PRMT8: variants seen among roughly 807,000 people sequenced by gnomAD.
PRMT8 encodes the protein protein arginine N-methyltransferase 8.
A neutral mutation model predicts 47.1 loss-of-function variants in PRMT8; 7 were observed. The observed-to-expected ratio is 0.15, with a 90% CI of 0.08 to 0.28. The LOEUF (loss-of-function observed/expected upper bound fraction) is 0.28, where lower values mean the gene tolerates loss of function less well. Ranked by LOEUF, PRMT8 falls within the 10% of genes least tolerant of loss-of-function variation. The pLI, the probability that PRMT8 is intolerant of heterozygous loss-of-function variation, is 1.00. For synonymous variants in PRMT8, 188 were observed against 186.5 expected (o/e 1.01, Z -0.07); for missense variants, 237 against 505.4 (o/e 0.47, Z 5.09).
chr12:3,491,373 AG>A lies in PRMT8; in HGVS notation c.-248del. 1 of 1,160,984 alleles carries A rather than the reference AG, an allele frequency of 8.6e-7. No individual in the cohort carries two copies. Among genetic ancestry groups the A allele is most frequent in the South Asian group, 3.5e-5 (1 of 28,922 alleles). The allele number at this position is 1,160,984 out of a possible 1,614,324, so 71.9% of individuals were successfully genotyped here. ...GCAGCGCGGGTGGAGAGGGGCGGGGAGGGGGTCGGGGGCACGAGAAGAACTT... is the reference window on the plus strand; with the variant it reads ...GCAGCGCGGGTGGAGAGGGGCGGGGAGGGGTCGGGGGCACGAGAAGAACTT... On this transcript the variant is annotated 5_prime_UTR_variant, in exon 1 of 10. Transcript: ENST00000382622.
At chr12:3,439,940 C>T (rs138142578) in intron 1 of PRMT8, among the ~76,000 whole-genome samples, 4 of 152,280 alleles carry the variant, frequency 2.6e-5, no homozygotes, top group East Asian at 1.9e-4. Context: ...ATGAGTCGGG[C>T]ACCACGGTAG....
At chr12:3,410,578 G>A (rs905494376) in intron 1 of PRMT8, among the ~76,000 whole-genome samples, 13 of 152,060 alleles carry the variant, frequency 8.5e-5, no homozygotes, top group South Asian at 4.1e-4. Context: ...GCACGATCTC[G>A]GCTCACTGCA....
intron 1 of PRMT8, among the ~76,000 whole-genome samples, chr12:3,507,236 C>T (rs1306200272): frequency 6.6e-6 from 1 of 151,752 alleles, no homozygotes; most frequent in African/African-American, 2.4e-5. Context: ...ATTCTCCTGC[C>T]TCAGCCTCCC....
At chr12:3,410,161 A>C (rs1864412331) in intron 1 of PRMT8, among the ~76,000 whole-genome samples, 1 of 152,248 alleles carries the variant, frequency 6.6e-6, no homozygotes, top group African/African-American at 2.4e-5. Context: ...AATTTGAGGC[A>C]TCTGCCATGT....
chr12:3,545,608 G>A (rs55941466), intron 2 of PRMT8, among the ~76,000 whole-genome samples: 19,866 of 152,112 alleles, frequency 0.13, 1,420 homozygotes, highest in Middle Eastern at 0.16. Flanking sequence ...CACCCTAACT[G>A]GAAACATAAC....
chr12:3,435,500 T>G (rs2137070831), intron 1 of PRMT8, among the ~76,000 whole-genome samples: 2 of 141,236 alleles, frequency 1.4e-5, no homozygotes, highest in African/African-American at 5.9e-5. Context: ...GACAACGTCA[T>G]GTTTTTTTTT....
chr12:3,396,301 C>T (rs1240324560), intron 1 of PRMT8, among the ~76,000 whole-genome samples: 1 of 152,210 alleles, frequency 6.6e-6, no homozygotes, highest in East Asian at 1.9e-4. Context: ...CAGTTTCTTC[C>T]TAGTCTTGAT....
At chr12:3,433,107 T>C (rs1373872919) in intron 1 of PRMT8, among the ~76,000 whole-genome samples, 2 of 152,188 alleles carry the variant, frequency 1.3e-5, no homozygotes, top group Non-Finnish European at 2.9e-5. Context: ...TCCTCTCCAA[T>C]GCTTGGTGGT....
chr12:3,449,850 T>C (rs1310080515), intron 1 of PRMT8, among the ~76,000 whole-genome samples: 1 of 152,244 alleles, frequency 6.6e-6, no homozygotes. Context: ...TTAGCCTTTT[T>C]ATAGTTTTGG....
At chr12:3,554,904 C>T (rs1369470910) in intron 4 of PRMT8, among the ~76,000 whole-genome samples, 1 of 152,210 alleles carries the variant, frequency 6.6e-6, no homozygotes, top group Admixed American at 6.5e-5. Context: ...GTGCCTGCTG[C>T]CCTGTCACCC....
chr12:3,549,800 T>C, intron 2 of PRMT8, 136 bp from the exon 3 acceptor site: 2 of 952,784 alleles, frequency 2.1e-6, no homozygotes, highest in Non-Finnish European at 3.2e-6. Flanking sequence ...CCCAGTTTTG[T>C]CCTCTGTGGC....
intron 1 of PRMT8, among the ~76,000 whole-genome samples, chr12:3,405,722 C>A (rs1864366655): frequency 6.6e-6 from 1 of 152,238 alleles, no homozygotes; most frequent in Admixed American, 6.5e-5. Context: ...CCATGTCTCA[C>A]ATCCAGGTCA....
At chr12:3,395,107 T>C (rs2137047557) in intron 1 of PRMT8, among the ~76,000 whole-genome samples, 1 of 149,670 alleles carries the variant, frequency 6.7e-6, no homozygotes, top group Admixed American at 6.6e-5. Flanking sequence ...TCGCTTTTTT[T>C]CTTTATTAGT....
At chr12:3,464,901 G>T (rs1865076828) in intron 1 of PRMT8, among the ~76,000 whole-genome samples, 1 of 151,924 alleles carries the variant, frequency 6.6e-6, no homozygotes, top group Non-Finnish European at 1.5e-5. Context: ...GAGGTGGGTG[G>T]ATCACCTGAG....
rs981912189 is a variant in PRMT8, at chr12:3,436,177, C to T, written c.48+54735C>T. ...ATAAAAAAGTCAAGTCGTCCCCTCC[C>T]GTTTGTGACCTTGTGAGGATGGTTA... On this transcript the variant is annotated intron_variant, in intron 1 of 9. Coordinates refer to the PRMT8 transcript ENST00000452611. This position sits in a 1 kb window ranked among gnomAD's most constrained non-coding sequence, Gnocchi z 4.2. Among the ~76,000 whole-genome samples, 1 of 152,266 alleles carries T rather than the reference C, an allele frequency of 6.6e-6. No homozygotes were observed.
chr12:3,540,644 C>T lies in PRMT8; in HGVS notation c.114C>T (p.Val38=), dbSNP rs764751241. The change falls in exon 2 of 10, where the codon GTC becomes GTT. Residue 38 remains valine (V), a synonymous_variant. Transcript: ENST00000382622. ...CCTCCCAGCCCCCCCAGCCCGTCGT[C>T]CCTGCTAAGCCCGTGCAATGCGTCC... ...SPPSQPPQPV[V]PAKPVQCVHH... The T allele has an allele frequency of 1.0e-5, 10 of 974,646 alleles. No homozygotes were observed. Among genetic ancestry groups the T allele is most frequent in the African/African-American group, 8.5e-5 (5 of 58,660 alleles). 60.4% of individuals were successfully genotyped at this position (974,646 alleles called of 1,614,324 possible).
At chr12:3,462,330 G>A (rs1230771667) in intron 1 of PRMT8, among the ~76,000 whole-genome samples, 1 of 152,018 alleles carries the variant, frequency 6.6e-6, no homozygotes, top group African/African-American at 2.4e-5. Context: ...AGAAAATATG[G>A]TATATGTACA....
chr12:3,530,351 G>A (rs932948605), intron 1 of PRMT8, among the ~76,000 whole-genome samples: 3 of 152,184 alleles, frequency 2.0e-5, no homozygotes, highest in Admixed American at 1.3e-4. Context: ...TAAGTATTAA[G>A]AGGGAAACAC....
intron 1 of PRMT8, among the ~76,000 whole-genome samples, chr12:3,467,803 A>G (rs1865118381): frequency 6.6e-6 from 1 of 152,242 alleles, no homozygotes; most frequent in Non-Finnish European, 1.5e-5. Flanking sequence ...CCTCATTCCT[A>G]GAACAGAACG....
Sources: allele counts gnomAD v4.1 joint callset (sites outside exome capture counted in the v4.1 genomes callset), GRCh38; gene constraint gnomAD v4.1.1; non-coding constraint Gnocchi (gnomAD v3.1); transcripts MANE v1.5; gene names NCBI Gene and HGNC (gene_info 2026-07-23, HGNC 2026-07-21).